MICAL2: variants seen among roughly 807,000 people sequenced by gnomAD.
The protein encoded by MICAL2 is microtubule associated monooxygenase, calponin and LIM domain containing 2, also known as [F-actin]-monooxygenase MICAL2.
In MICAL2, 77 loss-of-function variants were observed where a neutral mutation model predicts 127.3. The observed-to-expected ratio is 0.60, with a 90% CI of 0.50 to 0.73. The LOEUF is 0.73. Ranked by LOEUF, MICAL2 falls within the 30% of genes least tolerant of loss-of-function variation. The pLI, the probability that MICAL2 is intolerant of heterozygous loss-of-function variation, is 0.00. For missense variants in MICAL2, 1,351 were observed against 1,434.4 expected (o/e 0.94, Z 0.94); for synonymous variants, 570 against 551.1 (o/e 1.03, Z -0.48).
chr11:12,258,530 C>T lies in MICAL2; in HGVS notation c.3205C>T (p.Arg1069Trp), dbSNP rs780747234. The T allele has an allele frequency of 2.6e-4, 412 of 1,613,906 alleles. 4 individuals are homozygous for T. Among genetic ancestry groups the T allele is most frequent in the South Asian group, 7.7e-4 (70 of 91,082 alleles). ...AACCAATAGCAAACAACGGAAGAGA[C>T]GGGCAGAGTTGAAGCAACAAAGAGA... ...CKTNSKQRKR[R>W]AELKQQREEE... The change falls in exon 25 of 28, where the codon CGG (arginine) becomes TGG (tryptophan). Residue 1069 changes from arginine to tryptophan, a missense_variant. This residue lies in a region of MICAL2 where 752 missense variants were observed against 719.4 expected (regional missense o/e 1.05). Coordinates refer to ENST00000683283, the MANE Select transcript of MICAL2 (RefSeq NM_001282663.2).
At chr11:12,343,314 A>C (rs964428465) in intron 32 of MICAL2, among the ~76,000 whole-genome samples, 1 of 148,984 alleles carries the variant, frequency 6.7e-6, no homozygotes, top group African/African-American at 2.4e-5. Context: ...AGGCTGAGGC[A>C]GGAGAATTGC....
In MICAL2 at chr11:12,310,786, T is replaced by C. The variant is rs370594467; in HGVS notation, c.5213-8910T>C. Among the ~76,000 whole-genome samples, 15 of 152,304 alleles carry C rather than the reference T, an allele frequency of 9.8e-5. No homozygotes were observed. In the East Asian group the frequency reaches 1.7e-3, roughly 18 times the overall value. ...GGGTAGTATAGACATTTTAACGATA[T>C]TCTTCCATTTCATGAGGATGAGACT... On this transcript the variant is annotated intron_variant, in intron 29 of 34. Transcript: ENST00000646065.
intron 1 of MICAL2, among the ~76,000 whole-genome samples, chr11:12,115,425 T>G (rs909488331): frequency 6.6e-6 from 1 of 152,162 alleles, no homozygotes; most frequent in African/African-American, 2.4e-5. Context: ...CATGAAGACA[T>G]GGTTTGTTTG....
At chr11:12,241,270 A>T in intron 18 of MICAL2, 108 bp downstream of exon 18, 1 of 1,401,866 alleles carries the variant, frequency 7.1e-7, no homozygotes, top group Non-Finnish European at 9.6e-7. Flanking sequence ...CTGATTGTAG[A>T]TTTTCTGGAC....
At chr11:12,260,981 G>T in intron 26 of MICAL2, 2 of 985,496 alleles carry the variant, frequency 2.0e-6, no homozygotes, top group Non-Finnish European at 2.4e-6. Context: ...CAGTGCCAAA[G>T]ATGAGCTCTT....
chr11:12,360,693 G>T (rs191136062), downstream of MICAL2, among the ~76,000 whole-genome samples: 1 of 152,288 alleles, frequency 6.6e-6, no homozygotes, highest in Admixed American at 6.5e-5. Context: ...TCCCAAGAGG[G>T]CCAAGAGAGA....
At chr11:12,239,366 T>A in intron 16 of MICAL2, 70 bp from the exon 17 acceptor site, 2 of 1,603,778 alleles carry the variant, frequency 1.2e-6, no homozygotes, top group Non-Finnish European at 1.7e-6. Context: ...ACGTCCTGAG[T>A]CCCCAAGTCT....
rs1315140608 is a variant in MICAL2, at chr11:12,261,955, G to GC, written c.3335-524dup. ...GGCCATGTTATTGTGATTATCTTCA[G>GC]CTCAGGATAGGCTGAGATGCTTTGT... On this transcript the variant is annotated intron_variant, in intron 26 of 27. Transcript: ENST00000683283. 10 of 989,138 alleles carry GC rather than the reference G, an allele frequency of 1.0e-5. No individual in the cohort carries two copies. The African/African-American group carries it at 1.7e-4, about 17-fold the overall frequency. 61.3% of individuals were successfully genotyped at this position (989,138 alleles called of 1,614,324 possible).
chr11:12,305,676 A>G (rs1198221348), intron 29 of MICAL2, among the ~76,000 whole-genome samples: 1 of 152,188 alleles, frequency 6.6e-6, no homozygotes, highest in Non-Finnish European at 1.5e-5. Context: ...TTTTTTTACC[A>G]CAGTCAACTG....
chr11:12,204,632 G>A (rs531914844), intron 4 of MICAL2, among the ~76,000 whole-genome samples, 175 bp downstream of exon 4: 1 of 152,132 alleles, frequency 6.6e-6, no homozygotes, highest in Admixed American at 6.5e-5. Context: ...CTGGGCCCTG[G>A]GTTATCCCCC....
rs374440978 is a variant in MICAL2, at chr11:12,358,330, C to T, written c.5725C>T (p.Gln1909Ter). ...AGATGAGAAGGATCTAAACGAAGAG[C>T]AAGAAGTATTCACCGAGCTGATGCA... The change falls in exon 35 of 35, where the codon CAA (glutamine) becomes TAA (stop). Residue 1909 changes from glutamine (Q) to a stop codon, truncating the protein, a stop_gained. Transcript: ENST00000646065. LOFTEE classifies it high-confidence loss of function. 1.2e-6 allele frequency: 2 copies of T among 1,613,922 alleles called. No homozygotes were observed. The highest frequency in any genetic ancestry group is 1.7e-6 in the Non-Finnish European group (2 of 1,180,004).
chr11:12,149,124 G>A (rs1853292478), intron 2 of MICAL2, among the ~76,000 whole-genome samples: 1 of 152,174 alleles, frequency 6.6e-6, no homozygotes, highest in South Asian at 2.1e-4. Context: ...AAGGTAAACA[G>A]AGTCCAGATA....
intron 29 of MICAL2, among the ~76,000 whole-genome samples, chr11:12,298,428 C>T (rs868458964): frequency 6.6e-6 from 1 of 152,208 alleles, no homozygotes; most frequent in Middle Eastern, 3.4e-3. Flanking sequence ...AATCATAACA[C>T]CTGCAAATTA....
chr11:12,289,317 G>A (rs1255161904), downstream of MICAL2, among the ~76,000 whole-genome samples: 11 of 152,190 alleles, frequency 7.2e-5, no homozygotes, highest in Non-Finnish European at 1.5e-4. Flanking sequence ...GCCATACCAA[G>A]GTTTCAAGGA....
downstream of MICAL2, chr11:12,293,920 G>T (rs776750579): frequency 6.2e-7 from 1 of 1,612,638 alleles, no homozygotes; most frequent in East Asian, 2.2e-5. Context: ...GAGCCAGGAA[G>T]GAAGAAGAGG....
At chr11:12,278,706 G>T (rs907229872) in intron 1 of MICAL2, among the ~76,000 whole-genome samples, 4 of 152,246 alleles carry the variant, frequency 2.6e-5, no homozygotes, top group Admixed American at 6.5e-5. Context: ...GATGGGAGCA[G>T]TGGAGATGGA....
At chr11:12,162,462 G>T (rs756513103) in intron 3 of MICAL2, 43 bp downstream of exon 3, 6 of 1,604,818 alleles carry the variant, frequency 3.7e-6, no homozygotes, top group Admixed American at 1.7e-5. Flanking sequence ...AGGGCGTGTG[G>T]GTTGACATTT....
chr11:12,313,323 A>G (rs1022945760), intron 29 of MICAL2, among the ~76,000 whole-genome samples: 1 of 152,136 alleles, frequency 6.6e-6, no homozygotes, highest in African/African-American at 2.4e-5. Flanking sequence ...GGTTGTTATG[A>G]CCTGCCTTGA....
intron 27 of MICAL2, chr11:12,262,909 G>C (rs955626684): frequency 5.2e-6 from 1 of 191,812 alleles, no homozygotes; most frequent in African/African-American, 2.3e-5. Flanking sequence ...CCTTTGAAAA[G>C]AACACTTTTT....
Sources: gnomAD v4.1 joint callset for allele counts (sites outside exome capture counted in the v4.1 genomes callset) on GRCh38, gnomAD v4.1.1 for gene constraint, gnomAD v4.1.1 regional missense constraint, MANE v1.5 for transcripts, NCBI Gene and HGNC (gene_info 2026-07-23, HGNC 2026-07-21) for gene names.